The following MDGA2 variants were observed in gnomAD, a reference collection of about 807,000 sequenced individuals.
The protein encoded by MDGA2 is MAM domain-containing glycosylphosphatidylinositol anchor protein 2.
Under a neutral mutation model 117.8 loss-of-function variants are expected in MDGA2, and 40 were observed. The observed-to-expected ratio is 0.34, with a 90% CI of 0.26 to 0.44. The LOEUF (loss-of-function observed/expected upper bound fraction) is 0.44. MDGA2 is among the 20% of genes least tolerant of loss of function. The pLI is 1.00. For synonymous variants in MDGA2, 452 were observed against 439.0 expected (o/e 1.03, Z -0.37); for missense variants, 1,123 against 1,250.6 (o/e 0.90, Z 1.54).
intron 1 of MDGA2, among the ~76,000 whole-genome samples, chr14:47,571,508 T>C (rs911773440): frequency 2.0e-5 from 3 of 152,188 alleles, no homozygotes; most frequent in Non-Finnish European, 4.4e-5. Flanking sequence ...CCAACCCAAA[T>C]GTCCATTAAT....
intron 3 of MDGA2, among the ~76,000 whole-genome samples, chr14:47,146,420 C>T (rs1882946496): frequency 6.6e-6 from 1 of 152,096 alleles, no homozygotes; most frequent in Non-Finnish European, 1.5e-5. Flanking sequence ...ATTCTATTAG[C>T]TGTGCAGCGA....
At chr14:46,919,849 T>A (rs1349655943) in intron 10 of MDGA2, among the ~76,000 whole-genome samples, 163 bp downstream of exon 10, 1 of 151,920 alleles carries the variant, frequency 6.6e-6, no homozygotes, top group Non-Finnish European at 1.5e-5. Context: ...TTATGTGGAG[T>A]AATATACATA....
chr14:46,857,233 T>C (rs1290759322), intron 14 of MDGA2, among the ~76,000 whole-genome samples: 1 of 152,216 alleles, frequency 6.6e-6, no homozygotes, highest in Non-Finnish European at 1.5e-5. Flanking sequence ...CATTTCTACC[T>C]GTAGATATGA....
chr14:47,141,441 A>G (rs1882713108), intron 4 of MDGA2, among the ~76,000 whole-genome samples: 2 of 152,212 alleles, frequency 1.3e-5, no homozygotes, highest in Non-Finnish European at 2.9e-5. Context: ...GAATATGTAC[A>G]TAATGGAATA....
At chr14:47,209,242 T>C (rs1209951852) in intron 3 of MDGA2, among the ~76,000 whole-genome samples, 2 of 152,180 alleles carry the variant, frequency 1.3e-5, no homozygotes, top group Non-Finnish European at 2.9e-5. Context: ...CTTGTATTTT[T>C]GTTTTATCTC....
chr14:47,061,619 A>T (rs184488828), intron 6 of MDGA2, 41 bp from the exon 7 acceptor site: 3 of 1,506,768 alleles, frequency 2.0e-6, no homozygotes. Flanking sequence ...TGTTACTTTC[A>T]TAACTTTAAG....
At chr14:47,140,483 T>C (rs1028790543) in intron 4 of MDGA2, among the ~76,000 whole-genome samples, 1 of 151,928 alleles carries the variant, frequency 6.6e-6, no homozygotes, top group South Asian at 2.1e-4. Flanking sequence ...AAAATAGACA[T>C]AGAGACCAAT....
chr14:47,603,658 C>T (rs1416327711), intron 1 of MDGA2, among the ~76,000 whole-genome samples: 1 of 152,018 alleles, frequency 6.6e-6, no homozygotes, highest in African/African-American at 2.4e-5. Context: ...TCTCTTTCTG[C>T]TCTCTTCCCT....
chr14:47,089,685 A>G (rs1301054361), intron 6 of MDGA2, among the ~76,000 whole-genome samples: 2 of 152,018 alleles, frequency 1.3e-5, no homozygotes, highest in East Asian at 3.9e-4. Context: ...GCACATATAT[A>G]CCATGGAATA....
Position 46,858,528 on chromosome 14 carries a change from C to G in MDGA2, c.2753-3374G>C, listed in dbSNP as rs1425875386. The stretch of plus-strand genomic sequence containing the variant: ...CTGAAAGCTCCGCCTCCCGGGTTCA[C>G]GCCATTCTCCTGCCTCAGCCTCCCG... On this transcript the variant is annotated intron_variant, in intron 14 of 16. Coordinates refer to ENST00000399232, the MANE Select transcript of MDGA2 (RefSeq NM_001113498.3). 4.6e-5 allele frequency among the ~76,000 whole-genome samples: 7 copies of G among 150,612 alleles called. 1 individual carries two copies. In the Middle Eastern group the frequency reaches 0.02, roughly 439 times the overall value.
At chr14:46,936,474 G>GA (rs1884785648) in intron 9 of MDGA2, among the ~76,000 whole-genome samples, 1 of 151,970 alleles carries the variant, frequency 6.6e-6, no homozygotes, top group Non-Finnish European at 1.5e-5. Flanking sequence ...AATAATATGT[G>GA]AAAAAATACC....
At chr14:47,543,655 T>C (rs999694357) in intron 1 of MDGA2, among the ~76,000 whole-genome samples, 2 of 152,208 alleles carry the variant, frequency 1.3e-5, no homozygotes, top group African/African-American at 4.8e-5. Flanking sequence ...TTCAAAAATA[T>C]CTTGTGTTCA....
intron 2 of MDGA2, among the ~76,000 whole-genome samples, chr14:47,255,440 T>C (rs1887587013): frequency 6.6e-6 from 1 of 152,162 alleles, no homozygotes; most frequent in Non-Finnish European, 1.5e-5. Context: ...GTGTGTTCAT[T>C]GTAGGTGTTC....
rs531028395 is a variant in MDGA2 at position 47,119,011 on chromosome 14, G to A, written c.925+12703C>T. ...CCTCTGCCTCCCAAAGCAGAGACTG[G>A]GATTACAGGTGTGAGCCACCATGTC... On this transcript the variant is annotated intron_variant, in intron 5 of 16. Coordinates refer to ENST00000399232, the MANE Select transcript of MDGA2 (RefSeq NM_001113498.3). Among the ~76,000 whole-genome samples, 269 of 151,876 alleles carry A rather than the reference G, an allele frequency of 1.8e-3. 2 individuals carry two copies. Among genetic ancestry groups the A allele is most frequent in the Middle Eastern group, 3.4e-3 (1 of 292 alleles).
chr14:47,249,860 C>T (rs535072966), intron 2 of MDGA2, among the ~76,000 whole-genome samples: 6 of 152,082 alleles, frequency 3.9e-5, no homozygotes, highest in African/African-American at 1.4e-4. Context: ...CAGATCCTGT[C>T]AATAAAGTGT....
intron 3 of MDGA2, among the ~76,000 whole-genome samples, chr14:47,164,748 T>C (rs1883791775): frequency 6.6e-6 from 1 of 152,228 alleles, no homozygotes; most frequent in Admixed American, 6.5e-5. Flanking sequence ...ATCCCATTAC[T>C]GGGTATATAC....
intron 1 of MDGA2, among the ~76,000 whole-genome samples, chr14:47,648,914 AC>A (rs1261347755): frequency 6.6e-6 from 1 of 152,176 alleles, no homozygotes; most frequent in African/African-American, 2.4e-5. Flanking sequence ...AAGAGATAAT[AC>A]ATTTTTACCT....
chr14:47,074,628 T>A (rs541098731), intron 6 of MDGA2, among the ~76,000 whole-genome samples: 1 of 152,296 alleles, frequency 6.6e-6, no homozygotes, highest in Non-Finnish European at 1.5e-5. Flanking sequence ...CCAGGGAGAA[T>A]ATGTTCTGAG....
chr14:47,619,124 C>T (rs1031607162), intron 1 of MDGA2, among the ~76,000 whole-genome samples: 12 of 130,640 alleles, frequency 9.2e-5, no homozygotes, highest in African/African-American at 2.8e-4. Context: ...ATTACACACA[C>T]ACACACACAC....
Sources: gnomAD v4.1 joint callset for allele counts (sites outside exome capture counted in the v4.1 genomes callset) on GRCh38, gnomAD v4.1.1 for gene constraint, MANE v1.5 for transcripts, NCBI Gene and HGNC (gene_info 2026-07-23, HGNC 2026-07-21) for gene names.